GNG4: variants seen among roughly 807,000 people sequenced by gnomAD.
The protein encoded by GNG4 is guanine nucleotide-binding protein G(I)/G(S)/G(O) subunit gamma-4.
A neutral mutation model predicts 5.8 loss-of-function variants in GNG4; 4 were observed. The observed-to-expected ratio is 0.69, with a 90% CI of 0.34 to 1.57. GNG4 has a LOEUF of 1.57. Among genes scored for constraint, GNG4 ranks in the 40% most tolerant of loss-of-function variants. The pLI is 0.06. For missense variants in GNG4, 96 were observed against 95.1 expected, an observed-to-expected ratio of 1.01 and a Z score of -0.04; for synonymous variants, 29 against 32.9, an observed-to-expected ratio of 0.88 and a Z score of 0.41.
intron 3 of GNG4, among the ~76,000 whole-genome samples, chr1:235,558,952 G>A (rs1018497998): frequency 1.3e-5 from 2 of 152,304 alleles, no homozygotes; most frequent in African/African-American, 4.8e-5. Context: ...AAGTTAGCAC[G>A]TAATCCTGTT....
At chr1:235,612,821 C>A (rs1688509480) in intron 1 of GNG4, among the ~76,000 whole-genome samples, 2 of 152,178 alleles carry the variant, frequency 1.3e-5, no homozygotes, top group Admixed American at 6.5e-5. Context: ...TCATGCCCGT[C>A]CTGGGTAGCT....
intron 3 of GNG4, among the ~76,000 whole-genome samples, chr1:235,559,129 C>T (rs139955676): frequency 2.6e-3 from 398 of 152,254 alleles, no homozygotes; most frequent in Middle Eastern, 6.8e-3. Flanking sequence ...CTAAGCAACG[C>T]TGGTCTATTT....
Position 235,587,686 on chromosome 1 carries a change from C to T in GNG4, c.-10-3838G>A, listed in dbSNP as rs556688732. The stretch of plus-strand genomic sequence containing the variant: ...TGTGTGTGACTGTGGGGTATGTGTG[C>T]GAGTGTTGGGTGTCTGTGTGTGAGG... On this transcript the variant is annotated intron_variant, in intron 2 of 3. Coordinates refer to ENST00000391854, the MANE Select transcript of GNG4 (RefSeq NM_001098722.2). Among the ~76,000 whole-genome samples, 17 of 18,122 alleles carry T rather than the reference C, an allele frequency of 9.4e-4. 1 individual carries two copies. Among genetic ancestry groups the T allele is most frequent in the African/African-American group, 6.8e-4 (3 of 4,384 alleles). The allele number at this position is 18,122 out of a possible 152,430, so 11.9% of individuals were successfully genotyped here.
intron 1 of GNG4, among the ~76,000 whole-genome samples, chr1:235,631,604 T>A (rs1022685067): frequency 1.3e-5 from 2 of 151,562 alleles, no homozygotes; most frequent in African/African-American, 4.9e-5. Flanking sequence ...AGAGTCTTGC[T>A]CTGTTGCTCA....
chr1:235,625,741 C>T (rs1688796583), intron 1 of GNG4, among the ~76,000 whole-genome samples: 1 of 152,156 alleles, frequency 6.6e-6, no homozygotes, highest in South Asian at 2.1e-4. Flanking sequence ...TAAGTCTCCT[C>T]TATGTTGTGT....
At chr1:235,595,907 G>T (rs1688111014) in intron 1 of GNG4, among the ~76,000 whole-genome samples, 1 of 144,332 alleles carries the variant, frequency 6.9e-6, no homozygotes, top group Non-Finnish European at 1.5e-5. Context: ...GGGCGCGGTG[G>T]CTCATGCCTG....
At chr1:235,584,457 TAATTTG>T (rs1051038513) in intron 2 of GNG4, among the ~76,000 whole-genome samples, 4 of 150,564 alleles carry the variant, frequency 2.7e-5, no homozygotes, top group African/African-American at 1.0e-4. Context: ...TTATTAATTT[TAATTTG>T]TTGTCCTTCC....
chr1:235,619,174 T>C (rs1000413541), intron 1 of GNG4, among the ~76,000 whole-genome samples: 6 of 90,058 alleles, frequency 6.7e-5, no homozygotes, highest in East Asian at 1.0e-3. Flanking sequence ...TATATATATA[T>C]ATACACACAC....
chr1:235,645,797 C>CAAAAAAAAAAAAAA (rs6143682), intron 1 of GNG4, among the ~76,000 whole-genome samples: 15 of 90,386 alleles, frequency 1.7e-4, no homozygotes, highest in African/African-American at 6.1e-4. Flanking sequence ...AACTCAGTCT[C>CAAAAAAAAAAAAAA]AAAAAAAAAA....
At chr1:235,595,864 G>T (rs1323708175) in intron 1 of GNG4, among the ~76,000 whole-genome samples, 1 of 152,104 alleles carries the variant, frequency 6.6e-6, no homozygotes, top group Non-Finnish European at 1.5e-5. Context: ...CAGGTCACGT[G>T]TTTTCTTCTT....
chr1:235,599,517 A>G (rs1485311858), intron 1 of GNG4, among the ~76,000 whole-genome samples: 2 of 151,830 alleles, frequency 1.3e-5, no homozygotes, highest in East Asian at 1.9e-4. Flanking sequence ...GGGTTTCACC[A>G]TGTTGGCCAG....
rs1309306895 is a variant in GNG4, at chr1:235,649,035, C to T, written c.-123+627G>A. On this transcript the variant is annotated intron_variant, in intron 1 of 3. Transcript: ENST00000391854. This position sits in a 1 kb window ranked among gnomAD's most constrained non-coding sequence, Gnocchi z 5.7. Reference sequence around the variant, plus strand: ...GCCAAACAAAGCTCCCCGGTTGCTGCCGGGCGCGCGCGGCGAACGAAGCAC... The same window carrying T: ...GCCAAACAAAGCTCCCCGGTTGCTGTCGGGCGCGCGCGGCGAACGAAGCAC... 1.3e-5 allele frequency among the ~76,000 whole-genome samples: 2 copies of T among 152,166 alleles called. No individual in the cohort carries two copies. The highest frequency in any genetic ancestry group is 2.4e-5 in the African/African-American group (1 of 41,438).
Position 235,643,097 on chromosome 1 carries a change from C to T in GNG4, c.-123+6565G>A, listed in dbSNP as rs575689287. On this transcript the variant is annotated intron_variant, in intron 1 of 3. Transcript: ENST00000391854. ...TCCTCCCTCTCCTGCCCCACGCCTC[C>T]GACCTTCCCCACATGGCAGTCACAG... Among the ~76,000 whole-genome samples the T allele has an allele frequency of 5.8e-4, 88 of 152,282 alleles. 1 individual carries two copies. The highest frequency in any genetic ancestry group is 3.1e-3 in the Admixed American group (47 of 15,294).
chr1:235,648,837 CTT>C lies in GNG4; in HGVS notation c.-123+823_-123+824del, dbSNP rs924825563. Among the ~76,000 whole-genome samples, 38 of 152,310 alleles carry C rather than the reference CTT, an allele frequency of 2.5e-4. No homozygotes were observed. The highest frequency in any genetic ancestry group is 1.6e-4 in the Non-Finnish European group (11 of 68,030). ...TGGGAGGCCCGGCGTCCATCATCCA[CTT>C]TATTACTTGATCAAACTTTAACATT... On this transcript the variant is annotated intron_variant, in intron 1 of 3. Coordinates refer to ENST00000391854, the MANE Select transcript of GNG4 (RefSeq NM_001098722.2). This position sits in a 1 kb window ranked among gnomAD's most constrained non-coding sequence, Gnocchi z 5.0.
intron 3 of GNG4, among the ~76,000 whole-genome samples, chr1:235,567,272 AATATATGTGTACATATATACAC>A (rs1018809301): frequency 1.3e-5 from 2 of 152,164 alleles, no homozygotes; most frequent in African/African-American, 4.8e-5. Flanking sequence ...TGTTTATACA[AATATATGTGTACATATATACAC>A]ATATATGTGT....
At chr1:235,645,181 C>T (rs750131211) in intron 1 of GNG4, among the ~76,000 whole-genome samples, 2 of 152,188 alleles carry the variant, frequency 1.3e-5, no homozygotes, top group Non-Finnish European at 2.9e-5. Flanking sequence ...CCCATCTGCT[C>T]TTCCTGTTCA....
rs184493476 is a variant in GNG4 at position 235,596,713 on chromosome 1, G to A, written c.-122-1202C>T. Among the ~76,000 whole-genome samples, 493 of 152,004 alleles carry A rather than the reference G, an allele frequency of 3.2e-3. 1 individual carries two copies. Among genetic ancestry groups the A allele is most frequent in the African/African-American group, 0.012 (478 of 41,482 alleles). On this transcript the variant is annotated intron_variant, in intron 1 of 3. Transcript: ENST00000391854. ...TAGCATAGAAGAGATCAGACGACTC[G>A]AAAGCTCTTTTTTTTTAATATTTAT...
intron 1 of GNG4, chr1:235,615,209 T>G (rs1176763170): frequency 6.6e-6 from 1 of 152,134 alleles, no homozygotes; most frequent in Non-Finnish European, 1.5e-5. Flanking sequence ...CAAGGGACCT[T>G]GTAAGTGAAA....
At chr1:235,572,221 C>A (rs761772734) in intron 3 of GNG4, among the ~76,000 whole-genome samples, 1 of 151,866 alleles carries the variant, frequency 6.6e-6, no homozygotes, top group Non-Finnish European at 1.5e-5. Flanking sequence ...TACTAGATAT[C>A]TTTTTTTTGA....
Sources: allele counts gnomAD v4.1 joint callset (sites outside exome capture counted in the v4.1 genomes callset), GRCh38; gene constraint gnomAD v4.1.1; non-coding constraint Gnocchi (gnomAD v3.1); transcripts MANE v1.5; gene names NCBI Gene and HGNC (gene_info 2026-07-23, HGNC 2026-07-21).